The following IGFBP1 variants were observed in gnomAD, a reference collection of about 807,000 sequenced individuals.
IGFBP1 encodes insulin-like growth factor-binding protein 1.
Under a neutral mutation model 23.1 loss-of-function variants are expected in IGFBP1, and 31 were observed. The observed-to-expected ratio is 1.34, with a 90% CI of 1.01 to 1.81. IGFBP1 has a LOEUF of 1.81. Ranked by LOEUF, IGFBP1 falls within the 40% of genes most tolerant of loss-of-function variation. The probability of loss-of-function intolerance (pLI) is 0.00; values close to 1 mark genes in which losing one functional copy is unlikely to be tolerated. For missense variants in IGFBP1, 333 were observed against 342.2 expected (o/e 0.97, Z 0.21); for synonymous variants, 148 against 145.5 (o/e 1.02, Z -0.13).
At chr7:45,891,431 A>G (rs1400438644) in intron 2 of IGFBP1, among the ~76,000 whole-genome samples, 1 of 152,272 alleles carries the variant, frequency 6.6e-6, no homozygotes, top group Non-Finnish European at 1.5e-5. Flanking sequence ...AATGGAGGAA[A>G]GTTAATTCTT....
rs776233561 is a variant in IGFBP1 at position 45,891,941 on chromosome 7, C to A, written c.529C>A (p.Arg177=). Residue 177 remains arginine (R), a synonymous_variant, in exon 3 of 4, where the codon CGA becomes AGA. Coordinates refer to ENST00000275525, the MANE Select transcript of IGFBP1 (RefSeq NM_000596.4). ...CAAGTTATTCTCTTAGGAGCCCTGC[C>A]GAATAGAACTCTACAGAGTCGTAGA... is the stretch of plus-strand genomic sequence containing the variant. The part of the protein sequence containing the change: ...TNIKKWKEPC[R]IELYRVVESL... The A allele has an allele frequency of 6.8e-6, 11 of 1,610,998 alleles. No individual in the cohort carries two copies. Among genetic ancestry groups the A allele is most frequent in the Admixed American group, 1.7e-5 (1 of 59,482 alleles).
At chr7:45,891,379 C>A (rs191347828) in intron 2 of IGFBP1, among the ~76,000 whole-genome samples, 5 of 152,268 alleles carry the variant, frequency 3.3e-5, no homozygotes, top group Non-Finnish European at 4.4e-5. Flanking sequence ...AGGATTAAAC[C>A]ATTTTCTCAA....
At chr7:45,892,801 G>A (rs1331075820) in intron 3 of IGFBP1, among the ~76,000 whole-genome samples, 159 bp from the exon 4 acceptor site, 2 of 152,234 alleles carry the variant, frequency 1.3e-5, no homozygotes, top group Non-Finnish European at 2.9e-5. Context: ...AACCAGGAGG[G>A]TGTGAGATTT....
chr7:45,891,817 G>A (rs541105075), intron 2 of IGFBP1, 115 bp from the exon 3 acceptor site: 8 of 990,954 alleles, frequency 8.1e-6, no homozygotes, highest in African/African-American at 1.6e-5. Flanking sequence ...CCAGGTCCCC[G>A]TGGCCAGATC....
chr7:45,891,665 G>A (rs1435715016), intron 2 of IGFBP1, among the ~76,000 whole-genome samples: 1 of 152,172 alleles, frequency 6.6e-6, no homozygotes, highest in East Asian at 1.9e-4. Flanking sequence ...CTCTTGCCAG[G>A]GGATGTCTCT....
chr7:45,892,286 C>G (rs1787091438), intron 3 of IGFBP1, among the ~76,000 whole-genome samples: 1 of 152,184 alleles, frequency 6.6e-6, no homozygotes. Context: ...CTGCGCTGGA[C>G]CAGGGGCCCT....
At chr7:45,892,224 G>A (rs1446257239) in intron 3 of IGFBP1, among the ~76,000 whole-genome samples, 164 bp downstream of exon 3, 1 of 152,212 alleles carries the variant, frequency 6.6e-6, no homozygotes, top group African/African-American at 2.4e-5. Flanking sequence ...GAACAGCTAG[G>A]TGAAGAAAGC....
chr7:45,888,583 G>C lies in IGFBP1; in HGVS notation c.-70G>C, dbSNP rs931007099. 7.3e-7 allele frequency: 1 copy of C among 1,366,650 alleles called. No homozygotes were observed. The highest frequency in any genetic ancestry group is 2.4e-5 in the East Asian group (1 of 40,966). The allele number at this position is 1,366,650 out of a possible 1,614,324, so 84.7% of individuals were successfully genotyped here. On this transcript the variant is annotated 5_prime_UTR_variant, in exon 1 of 4. Coordinates refer to ENST00000275525, the MANE Select transcript of IGFBP1 (RefSeq NM_000596.4). ...CCACCGCTCCACCATCACTTGCCCA[G>C]AGTTTGGGCCACCGCCCGCCGCCAC... is the stretch of plus-strand genomic sequence containing the variant.
intron 3 of IGFBP1, among the ~76,000 whole-genome samples, 200 bp downstream of exon 3, chr7:45,892,260 A>C (rs1004511412): frequency 2.6e-5 from 4 of 152,206 alleles, no homozygotes; most frequent in Non-Finnish European, 4.4e-5. Context: ...ATATGTCACC[A>C]CCAGAGGTGG....
In IGFBP1 at chr7:45,888,727, C is replaced by T. The variant is rs1025559126; in HGVS notation, c.75C>T (p.Gly25=). 5 of 1,595,162 alleles carry T rather than the reference C, an allele frequency of 3.1e-6. No homozygotes were observed. In the African/African-American group the frequency reaches 5.4e-5, roughly 17 times the overall value. ...CTGTCCAGGTCGGCGTGACAGCCGGCGCTCCGTGGCAGTGCGCGCCCTGCT... is the reference window on the plus strand; with the variant it reads ...CTGTCCAGGTCGGCGTGACAGCCGGTGCTCCGTGGCAGTGCGCGCCCTGCT... The part of the protein sequence containing the change: ...LLTVQVGVTA[G]APWQCAPCSA... Residue 25 remains glycine, a synonymous_variant, in exon 1 of 4, where the codon GGC becomes GGT. Transcript: ENST00000275525.
Position 45,888,766 on chromosome 7 carries a change from C to A in IGFBP1, c.114C>A (p.Leu38=). 1.3e-6 allele frequency: 2 copies of A among 1,569,536 alleles called. No individual in the cohort carries two copies. The highest frequency in any genetic ancestry group is 2.3e-5 in the East Asian group (1 of 43,248). Residue 38 remains leucine, a synonymous_variant, in exon 1 of 4, where the codon CTC becomes CTA. Coordinates refer to ENST00000275525, the MANE Select transcript of IGFBP1 (RefSeq NM_000596.4). ...WQCAPCSAEK[L]ALCPPVSASC... ...GCGCGCCCTGCTCCGCCGAGAAGCTCGCGCTCTGCCCGCCGGTGTCCGCCT... is the reference window on the plus strand; with the variant it reads ...GCGCGCCCTGCTCCGCCGAGAAGCTAGCGCTCTGCCCGCCGGTGTCCGCCT...
At position 45,890,603 on chromosome 7, in the gene IGFBP1, G is replaced by A. The variant is rs762581219; in HGVS notation, c.405G>A (p.Leu135=). 3.1e-6 allele frequency: 5 copies of A among 1,613,812 alleles called. No individual in the cohort carries two copies. The South Asian group carries it at 5.5e-5, about 18-fold the overall frequency. Residue 135 remains leucine, a synonymous_variant, in exon 2 of 4, where the codon CTG becomes CTA. Transcript: ENST00000275525. ...ESTEITEEEL[L]DNFHLMAPSE... is the part of the protein sequence containing the mutation. ...CGGAGATAACTGAGGAGGAGCTCCT[G>A]GATAATTTCCATCTGATGGCCCCTT...
intron 1 of IGFBP1, among the ~76,000 whole-genome samples, chr7:45,889,374 C>T (rs9658198): frequency 0.028 from 4,327 of 152,268 alleles, 227 homozygotes; most frequent in African/African-American, 0.098. Context: ...ACCCTGGGTC[C>T]CCCACCAGTC....
Position 45,888,602 on chromosome 7 carries a change from C to T in IGFBP1, c.-51C>T. ...TGCCCAGAGTTTGGGCCACCGCCCGCCGCCACCAGCCCAGAGAGCATCGGC... is the reference window on the plus strand; with the variant it reads ...TGCCCAGAGTTTGGGCCACCGCCCGTCGCCACCAGCCCAGAGAGCATCGGC... On this transcript the variant is annotated 5_prime_UTR_variant, in exon 1 of 4. Coordinates refer to ENST00000275525, the MANE Select transcript of IGFBP1 (RefSeq NM_000596.4). 6.6e-7 allele frequency: 1 copy of T among 1,505,576 alleles called. No individual in the cohort carries two copies. Among genetic ancestry groups the T allele is most frequent in the Non-Finnish European group, 9.0e-7 (1 of 1,113,526 alleles). The allele number at this position is 1,505,576 out of a possible 1,614,324, so 93.3% of individuals were successfully genotyped here. A position where few individuals can be genotyped will look rare whatever the true frequency, so the allele number is the denominator to read the frequency against.
At chr7:45,890,937 T>A (rs1787069664) in intron 2 of IGFBP1, among the ~76,000 whole-genome samples, 1 of 152,172 alleles carries the variant, frequency 6.6e-6, no homozygotes, top group Non-Finnish European at 1.5e-5. Flanking sequence ...GAAAATGTAG[T>A]TCCGGACGAT....
chr7:45,888,660 A>C lies in IGFBP1; in HGVS notation c.8A>C (p.Glu3Ala). 1 of 1,597,562 alleles carries C rather than the reference A, an allele frequency of 6.3e-7. No homozygotes were observed. The highest frequency in any genetic ancestry group is 8.5e-7 in the Non-Finnish European group (1 of 1,179,258). MS[E>A]VPVARVWLVL... ...TGCTGCTCGCGCCTGGAGATGTCAG[A>C]GGTCCCCGTTGCTCGCGTCTGGCTG... Residue 3 changes from glutamate (E) to alanine (A), a missense_variant, in exon 1 of 4, where the codon GAG becomes GCG. Transcript: ENST00000275525.
Position 45,890,531 on chromosome 7 carries a change from C to T in IGFBP1, c.350-17C>T, listed in dbSNP as rs138541872. The T allele has an allele frequency of 1.6e-3, 2,631 of 1,597,952 alleles. 5 individuals carry two copies. Among genetic ancestry groups the T allele is most frequent in the Non-Finnish European group, 2.1e-3 (2,499 of 1,173,232 alleles). ...GCTTTGGGAGGGCTCATGGGGTCTG[C>T]AATGTTTCCTTTCCAGAGGCAGGGA... is the stretch of plus-strand genomic sequence containing the variant. On this transcript the variant is annotated splice_polypyrimidine_tract_variant and intron_variant, in intron 1 of 3. Coordinates refer to ENST00000275525, the MANE Select transcript of IGFBP1 (RefSeq NM_000596.4).
At chr7:45,890,756 A>T (rs1787067684) in intron 2 of IGFBP1, 39 bp downstream of exon 2, 1 of 1,551,088 alleles carries the variant, frequency 6.4e-7, no homozygotes, top group Non-Finnish European at 8.7e-7. Context: ...CTCTCCTGTC[A>T]GAGGATGTAG....
chr7:45,890,860 T>C, intron 2 of IGFBP1, 143 bp downstream of exon 2: 1 of 727,112 alleles, frequency 1.4e-6, no homozygotes, highest in East Asian at 2.9e-5. Context: ...TAGTGGCCAT[T>C]TCTCAGTTAA....
Sources: gnomAD v4.1 joint callset for allele counts (sites outside exome capture counted in the v4.1 genomes callset) on GRCh38, gnomAD v4.1.1 for gene constraint, MANE v1.5 for transcripts, NCBI Gene and HGNC (gene_info 2026-07-23, HGNC 2026-07-21) for gene names.